Variants in RERE observed in about 807,000 individuals in gnomAD.
RERE encodes arginine-glutamic acid dipeptide repeats.
RERE carries 40 observed loss-of-function variants against 146.1 expected under a neutral mutation model. The observed-to-expected ratio is 0.27, with a 90% CI of 0.21 to 0.36. The LOEUF is 0.36. RERE is among the 10% of genes least tolerant of loss of function. RERE has a pLI of 1.00. For synonymous variants in RERE, 1,003 were observed against 866.0 expected (o/e 1.16, Z -2.78); for missense variants, 1,933 against 2,138.7 (o/e 0.90, Z 1.90).
chr1:8,502,462 G>A (rs1333631009), intron 8 of RERE, among the ~76,000 whole-genome samples: 1 of 123,988 alleles, frequency 8.1e-6, no homozygotes, highest in Non-Finnish European at 1.7e-5. Flanking sequence ...CGGGAGGGTG[G>A]TGGGGGGGTC....
At chr1:8,525,797 C>T (rs1645563226) in intron 7 of RERE, 2 of 1,596,428 alleles carry the variant, frequency 1.3e-6, no homozygotes, top group Non-Finnish European at 1.7e-6. Context: ...CTAACACGGG[C>T]TCTGGTGAGT....
At chr1:8,363,225 A>G (rs1020827619) in intron 15 of RERE, among the ~76,000 whole-genome samples, 2 of 152,222 alleles carry the variant, frequency 1.3e-5, no homozygotes, top group Non-Finnish European at 2.9e-5. Context: ...CATTCTCCCA[A>G]CCAAACCAAA....
At chr1:8,608,083 TGGTC>T (rs1215177761) in intron 4 of RERE, among the ~76,000 whole-genome samples, 1 of 152,088 alleles carries the variant, frequency 6.6e-6, no homozygotes, top group African/African-American at 2.4e-5. Context: ...GGTCAGAGAC[TGGTC>T]TGACCAGTTC....
intron 12 of RERE, among the ~76,000 whole-genome samples, chr1:8,418,585 G>C (rs1643841138): frequency 6.6e-6 from 1 of 152,160 alleles, no homozygotes; most frequent in African/African-American, 2.4e-5. Flanking sequence ...CAGGATTCAA[G>C]GGACAATCAT....
intron 1 of RERE, among the ~76,000 whole-genome samples, chr1:8,678,413 A>G (rs1446715831): frequency 6.6e-6 from 1 of 151,992 alleles, no homozygotes; most frequent in African/African-American, 2.4e-5. Context: ...TGGGAGGCCA[A>G]GGCGGGCAAT....
intron 1 of RERE, among the ~76,000 whole-genome samples, chr1:8,808,431 A>C (rs1557555605): frequency 6.6e-6 from 1 of 152,212 alleles, no homozygotes. Context: ...AGATCTCTAG[A>C]TGACAATAAC....
chr1:8,769,844 A>G (rs942037654), intron 1 of RERE, among the ~76,000 whole-genome samples: 2 of 151,922 alleles, frequency 1.3e-5, no homozygotes, highest in African/African-American at 2.4e-5. Flanking sequence ...GCTGGAGTGC[A>G]GTGGCACAAT....
chr1:8,592,194 T>C (rs1439584839), intron 4 of RERE, among the ~76,000 whole-genome samples: 2 of 152,156 alleles, frequency 1.3e-5, no homozygotes, highest in East Asian at 3.9e-4. Context: ...CCCTCCCTAC[T>C]ACACTTCCAC....
chr1:8,556,187 T>A (rs1230521808), intron 6 of RERE, among the ~76,000 whole-genome samples: 1 of 149,432 alleles, frequency 6.7e-6, no homozygotes, highest in Non-Finnish European at 1.5e-5. Context: ...CAGCAAACAA[T>A]ACCAGGATAA....
chr1:8,498,425 G>T (rs577985933), intron 8 of RERE, among the ~76,000 whole-genome samples: 2 of 151,644 alleles, frequency 1.3e-5, no homozygotes, highest in African/African-American at 4.8e-5. Context: ...GCTGGGCATG[G>T]TGGCTCACGC....
intron 1 of RERE, among the ~76,000 whole-genome samples, chr1:8,745,300 G>A (rs1023962545): frequency 6.6e-6 from 1 of 152,094 alleles, no homozygotes; most frequent in Non-Finnish European, 1.5e-5. Context: ...TGCCATGATT[G>A]TAAGTTTCCT....
chr1:8,641,585 A>C (rs1048481281), intron 2 of RERE, among the ~76,000 whole-genome samples: 2 of 152,160 alleles, frequency 1.3e-5, no homozygotes, highest in Admixed American at 1.3e-4. Flanking sequence ...TTGGAGAGTC[A>C]AACCAAAGAA....
At chr1:8,771,387 G>A (rs910095056) in intron 1 of RERE, among the ~76,000 whole-genome samples, 3 of 151,866 alleles carry the variant, frequency 2.0e-5, no homozygotes, top group African/African-American at 7.3e-5. Context: ...AGCCAGACGT[G>A]ATGGCGCACA....
At chr1:8,601,623 T>TCA (rs1646626888) in intron 4 of RERE, among the ~76,000 whole-genome samples, 1 of 78,796 alleles carries the variant, frequency 1.3e-5, no homozygotes, top group African/African-American at 5.0e-5. Flanking sequence ...ATGTCCAAGG[T>TCA]CACCACACAC....
chr1:8,656,055 T>G lies in RERE; in HGVS notation c.243A>C (p.Lys81Asn). Residue 81 changes from lysine (K) to asparagine (N), a missense_variant, in exon 2 of 23, where the codon AAA becomes AAC. By Grantham distance (94) the Lys-to-Asn change is moderately conservative. Transcript: ENST00000400908. ...STKKNKKKPP[K>N]KKSRYERTDT... ...CTGTCCTTTCATAACGAGACTTTTTTTTCGGTGGTTTCTTCTTATTCTTCT... is the reference window on the plus strand; with the variant it reads ...CTGTCCTTTCATAACGAGACTTTTTGTTCGGTGGTTTCTTCTTATTCTTCT... 1 of 1,614,176 alleles carries G rather than the reference T, an allele frequency of 6.2e-7. No individual in the cohort carries two copies. Among genetic ancestry groups the G allele is most frequent in the Non-Finnish European group, 8.5e-7 (1 of 1,180,040 alleles).
intron 10 of RERE, among the ~76,000 whole-genome samples, chr1:8,479,665 T>C (rs1163416253): frequency 1.3e-5 from 2 of 152,182 alleles, no homozygotes; most frequent in Non-Finnish European, 1.5e-5. Flanking sequence ...CAGCCACCAG[T>C]AGCTACAAGA....
rs557879936 is a variant in RERE at position 8,410,993 on chromosome 1, C to T, written c.1284+11734G>A. 3.3e-5 allele frequency among the ~76,000 whole-genome samples: 5 copies of T among 152,280 alleles called. 1 individual carries two copies. Among genetic ancestry groups the T allele is most frequent in the African/African-American group, 1.2e-4 (5 of 41,540 alleles). On this transcript the variant is annotated intron_variant, in intron 12 of 22. Transcript: ENST00000400908. ...CTATCTAGTTAAACATTCCAAATGACAGATTTCCAGAAAAATGTTGCAACA... is the reference window on the plus strand; with the variant it reads ...CTATCTAGTTAAACATTCCAAATGATAGATTTCCAGAAAAATGTTGCAACA...
chr1:8,401,778 C>T (rs1404776907), intron 12 of RERE, among the ~76,000 whole-genome samples: 1 of 151,872 alleles, frequency 6.6e-6, no homozygotes, highest in Non-Finnish European at 1.5e-5. Context: ...AAAAAGCCTA[C>T]TTTCCCTTCC....
rs1316154450 is a variant in RERE at position 8,380,627 on chromosome 1, G to T, written c.1285-14653C>A. On this transcript the variant is annotated intron_variant, in intron 12 of 22. Coordinates refer to ENST00000400908, the MANE Select transcript of RERE (RefSeq NM_001042681.2). The stretch of plus-strand genomic sequence containing the variant: ...CTCCTAAAGTGCTGGGATTACAGGC[G>T]TGAGCCACCAAGCCTGGCCCATCAA... The T allele has an allele frequency of 8.4e-6, 3 of 355,452 alleles. No homozygotes were observed. In the East Asian group the frequency reaches 2.3e-4, roughly 27 times the overall value. The allele number at this position is 355,452 out of a possible 1,614,324, so 22.0% of individuals were successfully genotyped here.
Sources: gnomAD v4.1 joint callset for allele counts (sites outside exome capture counted in the v4.1 genomes callset) on GRCh38, gnomAD v4.1.1 for gene constraint, MANE v1.5 for transcripts, NCBI Gene and HGNC (gene_info 2026-07-23, HGNC 2026-07-21) for gene names.